NDRG4: variants seen among roughly 807,000 people sequenced by gnomAD.
NDRG4 encodes NDRG family member 4.
A neutral mutation model predicts 55.8 loss-of-function variants in NDRG4; 38 were observed. That is an observed-to-expected ratio of 0.68 (90% CI 0.53 to 0.89). NDRG4 has a LOEUF of 0.89. Ranked by LOEUF, NDRG4 falls within the 40% of genes least tolerant of loss-of-function variation. The probability of loss-of-function intolerance (pLI) is 0.00; values close to 1 mark genes in which losing one functional copy is unlikely to be tolerated. For missense variants in NDRG4, 455 were observed against 468.6 expected (o/e 0.97, Z 0.27); for synonymous variants, 190 against 182.7 (o/e 1.04, Z -0.32).
At chr16:58,485,975 G>A (rs540750522) in intron 1 of NDRG4, among the ~76,000 whole-genome samples, 7 of 152,168 alleles carry the variant, frequency 4.6e-5, no homozygotes, top group African/African-American at 1.7e-4. Flanking sequence ...ATTTCTCCAC[G>A]GGAGAGGATT....
intron 1 of NDRG4, chr16:58,500,584 G>A (rs780195290): frequency 2.6e-5 from 14 of 536,940 alleles, no homozygotes; most frequent in East Asian, 1.7e-4. Context: ...TGCATTGCCC[G>A]TGTGGACCCG....
chr16:58,506,863 T>C (rs1597327848), intron 7 of NDRG4, 49 bp from the exon 8 acceptor site: 1 of 1,539,108 alleles, frequency 6.5e-7, no homozygotes, highest in South Asian at 1.1e-5. Context: ...TAAGCCTGCG[T>C]CCCTCTGTCT....
Position 58,505,713 on chromosome 16 carries a change from C to CTTTTTTTTT in NDRG4, c.373-656_373-648dup, listed in dbSNP as rs1028370131. Among the ~76,000 whole-genome samples the CTTTTTTTTT allele has an allele frequency of 3.8e-4, 22 of 58,656 alleles. 3 individuals are homozygous for CTTTTTTTTT. Among genetic ancestry groups the CTTTTTTTTT allele is most frequent in the African/African-American group, 1.3e-3 (17 of 13,050 alleles). 38.5% of individuals were successfully genotyped at this position (58,656 alleles called of 152,430 possible). A position where few individuals can be genotyped will look rare whatever the true frequency, so the allele number is the denominator to read the frequency against. On this transcript the variant is annotated intron_variant, in intron 5 of 14. Transcript: ENST00000570248. ...ATTTATATCATGAGGGCTTCATTTT[C>CTTTTTTTTT]TTTTTTTTTTTTTTTTTTTTTTTTT... is the stretch of plus-strand genomic sequence containing the variant.
intron 1 of NDRG4, among the ~76,000 whole-genome samples, chr16:58,471,109 A>G (rs1034033251): frequency 6.6e-6 from 1 of 151,836 alleles, no homozygotes; most frequent in Non-Finnish European, 1.5e-5. Context: ...ACAGCTTACC[A>G]ACATGTTAAT....
Position 58,506,488 on chromosome 16 carries a change from C to T in NDRG4, c.459+15C>T, listed in dbSNP as rs372812637. 1.6e-4 allele frequency: 118 copies of T among 733,404 alleles called. No homozygotes were observed. In the East Asian group the frequency reaches 2.3e-3, roughly 14 times the overall value. 45.4% of individuals were successfully genotyped at this position (733,404 alleles called of 1,614,324 possible). On this transcript the variant is annotated intron_variant, in intron 6 of 14. Coordinates refer to ENST00000570248, the MANE Select transcript of NDRG4 (RefSeq NM_001242835.2). Reference sequence around the variant, plus strand: ...CTGCCACCAAGGTGTGTGTGGTGACCGGGGGTGGGGTGGGTATACCTAGGG... The same window carrying T: ...CTGCCACCAAGGTGTGTGTGGTGACTGGGGGTGGGGTGGGTATACCTAGGG...
chr16:58,499,758 C>A, upstream of NDRG4: 1 of 237,768 alleles, frequency 4.2e-6, no homozygotes, highest in Non-Finnish European at 8.3e-6. Context: ...ATGCACCCTG[C>A]CCTGCCCCGC....
intron 1 of NDRG4, chr16:58,500,815 T>C (rs970249976): frequency 4.7e-6 from 2 of 422,554 alleles, no homozygotes; most frequent in Non-Finnish European, 8.2e-6. Context: ...GCCAGTGTGA[T>C]GGGAAGGACA....
In NDRG4 at chr16:58,472,677, GC is replaced by G. The variant is rs1423662491; in HGVS notation, c.-24+8882del. 5.3e-5 allele frequency among the ~76,000 whole-genome samples: 8 copies of G among 152,280 alleles called. No homozygotes were observed. The South Asian group carries it at 1.7e-3, about 32-fold the overall frequency. ...CCCTGGCCAGCACAGTGGACACAGG[GC>G]CATCGGCCTCTGTCTCTCTCTCCCT... On this transcript the variant is annotated intron_variant, in intron 1 of 15. Coordinates refer to the NDRG4 transcript ENST00000258187.
intron 1 of NDRG4, among the ~76,000 whole-genome samples, chr16:58,469,805 C>A (rs1177439276): frequency 6.6e-6 from 1 of 152,182 alleles, no homozygotes; most frequent in Non-Finnish European, 1.5e-5. Context: ...TATGTTAACT[C>A]ATCATCATAA....
At chr16:58,502,367 C>T (rs375348927) in intron 1 of NDRG4, among the ~76,000 whole-genome samples, 86 of 152,252 alleles carry the variant, frequency 5.6e-4, no homozygotes, top group African/African-American at 1.8e-3. Context: ...TGCAATCAGC[C>T]GCATGGCTCA....
At chr16:58,498,594 A>C (rs971338761), upstream of NDRG4, among the ~76,000 whole-genome samples, 1 of 152,154 alleles carries the variant, frequency 6.6e-6, no homozygotes, top group Non-Finnish European at 1.5e-5. Flanking sequence ...TGACGTTGAC[A>C]TGCCCACCTC....
chr16:58,485,986 G>A (rs2035042000), intron 1 of NDRG4, among the ~76,000 whole-genome samples: 1 of 152,106 alleles, frequency 6.6e-6, no homozygotes, highest in Non-Finnish European at 1.5e-5. Flanking sequence ...GGAGAGGATT[G>A]CTGAGTCTGA....
intron 2 of NDRG4, among the ~76,000 whole-genome samples, chr16:58,494,197 C>T (rs1257610469): frequency 6.6e-6 from 1 of 152,198 alleles, no homozygotes; most frequent in African/African-American, 2.4e-5. Context: ...GTGGGTAGAA[C>T]ACGCACTAGC....
At position 58,503,863 on chromosome 16, in the gene NDRG4, C is replaced by T; in HGVS notation, c.87C>T (p.Asn29=). 1 of 1,613,958 alleles carries T rather than the reference C, an allele frequency of 6.2e-7. No homozygotes were observed. Among genetic ancestry groups the T allele is most frequent in the Non-Finnish European group, 8.5e-7 (1 of 1,179,988 alleles). The change falls in exon 2 of 15, where the codon AAC becomes AAT. Residue 29 remains asparagine, a synonymous_variant. Coordinates refer to ENST00000570248, the MANE Select transcript of NDRG4 (RefSeq NM_001242835.2). ...HVVIRGSPKG[N]RPAILTYHDV... is the part of the protein sequence containing the mutation. ...TGATCCGGGGCTCCCCCAAGGGGAA[C>T]CGCCCAGCCATCCTCACCTACCATG...
At chr16:58,494,774 G>A (rs2036199765) in intron 2 of NDRG4, among the ~76,000 whole-genome samples, 1 of 151,262 alleles carries the variant, frequency 6.6e-6, no homozygotes, top group African/African-American at 2.4e-5. Flanking sequence ...GGAGGATACA[G>A]TGAGCTGTGA....
downstream of NDRG4, among the ~76,000 whole-genome samples, chr16:58,515,110 G>A (rs3809596): frequency 0.39 from 59,621 of 152,032 alleles, 13,145 homozygotes; most frequent in African/African-American, 0.6. Context: ...CCAGTAAAAG[G>A]GTTCCATGGC....
downstream of NDRG4, among the ~76,000 whole-genome samples, chr16:58,514,036 A>G (rs115407562): frequency 2.0e-3 from 307 of 152,310 alleles, 1 homozygote; most frequent in African/African-American, 7.3e-3. Flanking sequence ...CTGCCCTCCA[A>G]ATCTCTTGCC....
intron 5 of NDRG4, 169 bp downstream of exon 5, chr16:58,504,818 G>T: frequency 4.5e-6 from 3 of 661,716 alleles, no homozygotes; most frequent in South Asian, 4.1e-5. Flanking sequence ...TTTTCCTCCA[G>T]GGAAATTAAC....
intron 1 of NDRG4, among the ~76,000 whole-genome samples, chr16:58,480,963 C>T (rs776076046): frequency 4.0e-5 from 6 of 150,942 alleles, no homozygotes; most frequent in Admixed American, 1.3e-4. Flanking sequence ...GAGCTGAGAT[C>T]GTGCCACTGC....
Sources: gnomAD v4.1 joint callset for allele counts (sites outside exome capture counted in the v4.1 genomes callset) on GRCh38, gnomAD v4.1.1 for gene constraint, MANE v1.5 for transcripts, NCBI Gene and HGNC (gene_info 2026-07-23, HGNC 2026-07-21) for gene names.